EIF3L: variants seen among roughly 807,000 people sequenced by gnomAD.
EIF3L encodes eIEF associated protein HSPC021.
A neutral mutation model predicts 74.6 loss-of-function variants in EIF3L; 32 were observed. The observed-to-expected ratio is 0.43, with a 90% CI of 0.32 to 0.58. The LOEUF (loss-of-function observed/expected upper bound fraction) is 0.58. EIF3L is among the 20% of genes least tolerant of loss of function. EIF3L has a pLI of 0.06. For missense variants in EIF3L, 474 were observed against 707.8 expected, an observed-to-expected ratio of 0.67 and a Z score of 3.75; for synonymous variants, 256 against 254.4, an observed-to-expected ratio of 1.01 and a Z score of -0.06.
intron 12 of EIF3L, 185 bp from the exon 13 acceptor site, chr22:37,888,241 C>T (rs546558823): frequency 6.8e-4 from 386 of 569,658 alleles, no homozygotes; most frequent in Non-Finnish European, 1.1e-3. Flanking sequence ...AAGAATAATC[C>T]GCGTGAACTG....
At position 37,874,452 on chromosome 22, in the gene EIF3L, C is replaced by A; in HGVS notation, c.834C>A (p.Leu278=). 1 of 1,614,206 alleles carries A rather than the reference C, an allele frequency of 6.2e-7. No individual in the cohort carries two copies. The highest frequency in any genetic ancestry group is 8.5e-7 in the Non-Finnish European group (1 of 1,180,038). The change falls in exon 9 of 13, where the codon CTC becomes CTA. Residue 278 remains leucine, a synonymous_variant. Transcript: ENST00000652021. ...GTTACTTCAGCCTGGTCGGGCTTCT[C>A]CGCCTGCACTCCCTGTTAGGAGATT... ...MLGYFSLVGL[L]RLHSLLGDYY... is the part of the protein sequence containing the mutation.
chr22:37,857,225 G>T (rs1429807681), intron 4 of EIF3L, among the ~76,000 whole-genome samples: 3 of 151,608 alleles, frequency 2.0e-5, no homozygotes, highest in Non-Finnish European at 4.4e-5. Context: ...ATCTGGGCAG[G>T]CCGGCATGGT....
chr22:37,875,157 T>G (rs973858059), intron 9 of EIF3L, among the ~76,000 whole-genome samples: 7 of 149,394 alleles, frequency 4.7e-5, no homozygotes, highest in African/African-American at 1.5e-4. Context: ...TTACTTGAGG[T>G]CAGGAGTTCG....
chr22:37,849,690 C>A, intron 1 of EIF3L: 1 of 627,848 alleles, frequency 1.6e-6, no homozygotes, highest in Non-Finnish European at 2.8e-6. Context: ...CTTGTCCTTC[C>A]CCTTTCTAAG....
chr22:37,865,201 C>T (rs564449538), intron 7 of EIF3L, among the ~76,000 whole-genome samples: 4 of 151,600 alleles, frequency 2.6e-5, no homozygotes, highest in East Asian at 2.0e-4. Flanking sequence ...CGTGGTGGCT[C>T]ACGCCTGTAA....
intron 8 of EIF3L, among the ~76,000 whole-genome samples, chr22:37,873,632 A>G (rs1038665080): frequency 6.6e-6 from 1 of 152,060 alleles, no homozygotes; most frequent in Admixed American, 6.6e-5. Context: ...ATGAAAAAAG[A>G]ATTTTCTTTC....
At chr22:37,866,430 G>A (rs954556569) in intron 7 of EIF3L, among the ~76,000 whole-genome samples, 2 of 152,184 alleles carry the variant, frequency 1.3e-5, no homozygotes, top group Non-Finnish European at 2.9e-5. Flanking sequence ...AAGTAGAATT[G>A]TGGATTGAAC....
intron 5 of EIF3L, 150 bp downstream of exon 5, chr22:37,858,890 A>G: frequency 1.4e-6 from 1 of 705,580 alleles, no homozygotes; most frequent in Non-Finnish European, 2.4e-6. Flanking sequence ...GGTGGAAGGA[A>G]CAGTTTAACC....
chr22:37,873,000 T>C (rs1926554698), intron 8 of EIF3L, among the ~76,000 whole-genome samples: 1 of 152,128 alleles, frequency 6.6e-6, no homozygotes. Flanking sequence ...TTATTTTTAT[T>C]TTTTTTGAGA....
intron 6 of EIF3L, 65 bp downstream of exon 6, chr22:37,863,103 CTTTT>C (rs61195610): frequency 7.8e-4 from 796 of 1,023,882 alleles, no homozygotes; most frequent in South Asian, 1.0e-3. Flanking sequence ...TGGCCTCCAG[CTTTT>C]TTTTTTTTTT....
Position 37,878,077 on chromosome 22 carries a change from A to G in EIF3L, c.1481A>G (p.Lys494Arg), listed in dbSNP as rs1221067811. 5 of 1,614,036 alleles carry G rather than the reference A, an allele frequency of 3.1e-6. No homozygotes were observed. Among genetic ancestry groups the G allele is most frequent in the Non-Finnish European group, 4.2e-6 (5 of 1,180,038 alleles). ...TTCCGGATCCAGCTTCTTGTCTTCA[A>G]ACACAAGATGAAGAACCTCGTGTGG... ...QEFRIQLLVF[K>R]HKMKNLVWTS... Residue 494 changes from lysine (K) to arginine (R), a missense_variant, in exon 11 of 13, where the codon AAA (lysine) becomes AGA (arginine). This residue lies in a region of EIF3L where 293 missense variants were observed against 469.1 expected (regional missense o/e 0.62). Coordinates refer to ENST00000652021, the MANE Select transcript of EIF3L (RefSeq NM_016091.4).
chr22:37,859,171 A>T (rs1925703990), intron 5 of EIF3L, among the ~76,000 whole-genome samples: 2 of 151,638 alleles, frequency 1.3e-5, no homozygotes, highest in African/African-American at 2.4e-5. Context: ...TCACATATCT[A>T]ATTCTACTAT....
chr22:37,888,663 G>T lies in EIF3L; in HGVS notation c.*199G>T, dbSNP rs1384512288. 5.0e-6 allele frequency: 3 copies of T among 594,998 alleles called. No individual in the cohort carries two copies. The highest frequency in any genetic ancestry group is 9.0e-6 in the Non-Finnish European group (3 of 335,086). The allele number at this position is 594,998 out of a possible 1,614,324, so 36.9% of individuals were successfully genotyped here. Reference sequence around the variant, plus strand: ...GTCTCATTATTGTAGGAGAGAATTTGTGGGTTGTGGCAGTAATACATTTCC... The same window carrying T: ...GTCTCATTATTGTAGGAGAGAATTTTTGGGTTGTGGCAGTAATACATTTCC... On this transcript the variant is annotated 3_prime_UTR_variant, in exon 13 of 13. Transcript: ENST00000652021.
intron 6 of EIF3L, 83 bp from the exon 7 acceptor site, chr22:37,863,189 G>T: frequency 7.6e-7 from 1 of 1,317,612 alleles, no homozygotes; most frequent in Non-Finnish European, 1.1e-6. Flanking sequence ...CCTTTTAAGA[G>T]AGAAATTACA....
At chr22:37,851,553 A>G (rs771153676) in intron 3 of EIF3L, 63 bp downstream of exon 3, 29 of 1,071,210 alleles carry the variant, frequency 2.7e-5, no homozygotes, top group Non-Finnish European at 3.3e-5. Context: ...TATAGTTCCT[A>G]CAAATGAGGT....
chr22:37,869,859 T>C lies in EIF3L; in HGVS notation c.580-317T>C, dbSNP rs1422373875. Among the ~76,000 whole-genome samples the C allele has an allele frequency of 3.9e-5, 6 of 152,086 alleles. No homozygotes were observed. The East Asian group carries it at 9.6e-4, about 24-fold the overall frequency. ...TTTCTGGTGGCCCGGTCAACTGCAT[T>C]GTGAGGCCCAGAGACAGGAAGTGAC... On this transcript the variant is annotated intron_variant, in intron 7 of 12. Coordinates refer to ENST00000652021, the MANE Select transcript of EIF3L (RefSeq NM_016091.4).
intron 6 of EIF3L, 68 bp downstream of exon 6, chr22:37,863,106 T>C: frequency 1.1e-6 from 1 of 904,030 alleles, no homozygotes; most frequent in South Asian, 2.2e-5. Context: ...CCTCCAGCTT[T>C]TTTTTTTTTT....
In EIF3L at chr22:37,874,483, C is replaced by G; in HGVS notation, c.865C>G (p.Gln289Glu). 1 of 1,614,144 alleles carries G rather than the reference C, an allele frequency of 6.2e-7. No homozygotes were observed. The highest frequency in any genetic ancestry group is 2.2e-5 in the East Asian group (1 of 44,880). The change falls in exon 9 of 13, where the codon CAG (glutamine) becomes GAG (glutamate). Residue 289 changes from glutamine (Q) to glutamate (E), a missense_variant. By Grantham distance (29) the Gln-to-Glu change is conservative. Around this residue, in one of 4 missense-constraint regions of EIF3L, gnomAD observed 293 missense variants for 469.1 expected, o/e 0.62. Transcript: ENST00000652021. ...RLHSLLGDYY[Q>E]AIKVLENIEL... ...GCACTCCCTGTTAGGAGATTACTAC[C>G]AGGCCATCAAGGTGCTGGAGAACAT...
chr22:37,859,629 G>A (rs1055134993), intron 5 of EIF3L, among the ~76,000 whole-genome samples: 1 of 151,406 alleles, frequency 6.6e-6, no homozygotes, highest in African/African-American at 2.4e-5. Context: ...TGTTCCGCCC[G>A]CCTTGGCCTC....
Sources: gnomAD v4.1 joint callset for allele counts (sites outside exome capture counted in the v4.1 genomes callset) on GRCh38, gnomAD v4.1.1 for gene constraint, gnomAD v4.1.1 regional missense constraint, MANE v1.5 for transcripts, NCBI Gene and HGNC (gene_info 2026-07-23, HGNC 2026-07-21) for gene names.